Variants in AFF2 observed in about 807,000 individuals in gnomAD.
AFF2 encodes the protein ALF transcription elongation factor 2, also known as AF4/FMR2 family member 2.
AFF2 carries 14 observed loss-of-function variants against 76.9 expected under a neutral mutation model. That is an observed-to-expected ratio of 0.18 (90% CI 0.12 to 0.28). AFF2 has a LOEUF of 0.28. Ranked by LOEUF, AFF2 falls within the 10% of genes least tolerant of loss-of-function variation. AFF2 has a pLI of 1.00. For missense variants in AFF2, 868 were observed against 1,001.1 expected, an observed-to-expected ratio of 0.87 and a Z score of 1.79; for synonymous variants, 398 against 366.7, an observed-to-expected ratio of 1.09 and a Z score of -0.98.
chrX:148,926,555 C>T (rs1557283808), intron 9 of AFF2, among the ~76,000 whole-genome samples: 1 of 111,577 alleles, frequency 9.0e-6, no homozygotes, highest in Non-Finnish European at 1.9e-5. Context: ...CATTGCAGAG[C>T]AGCAATGGAA....
intron 1 of AFF2, among the ~76,000 whole-genome samples, chrX:148,560,962 A>G (rs1398850599): frequency 9.0e-6 from 1 of 111,424 alleles, no homozygotes; most frequent in Non-Finnish European, 1.9e-5. Flanking sequence ...GTCATCCATC[A>G]ATACTTTCTG....
At chrX:148,640,578 G>T (rs2054077880) in intron 1 of AFF2, among the ~76,000 whole-genome samples, 4 of 112,181 alleles carry the variant, frequency 3.6e-5, no homozygotes, top group Non-Finnish European at 7.5e-5. Context: ...ACCAGTTTTG[G>T]ATAACTGAGA....
chrX:148,654,733 C>T (rs6540395), intron 2 of AFF2, among the ~76,000 whole-genome samples: 25,336 of 107,224 alleles, frequency 0.24, 2,545 homozygotes, highest in Middle Eastern at 0.4. Context: ...ACAAAGCAGG[C>T]GAGGGGAAGG....
intron 4 of AFF2, among the ~76,000 whole-genome samples, chrX:148,811,819 A>G (rs1273346995): frequency 8.9e-6 from 1 of 112,025 alleles, no homozygotes; most frequent in Non-Finnish European, 1.9e-5. Context: ...TTAGAGAAAC[A>G]ACAGAATTTC....
At chrX:148,742,161 A>G (rs1557265730) in intron 3 of AFF2, among the ~76,000 whole-genome samples, 1 of 111,981 alleles carries the variant, frequency 8.9e-6, no homozygotes, top group East Asian at 2.8e-4. Context: ...CCTCCCACCC[A>G]CCATGATCCC....
intron 3 of AFF2, among the ~76,000 whole-genome samples, chrX:148,733,061 A>G (rs2055246229): frequency 9.0e-6 from 1 of 111,479 alleles, no homozygotes; most frequent in South Asian, 3.7e-4. Flanking sequence ...ACTGTGTTCA[A>G]CCTAAAATAA....
chrX:148,700,419 AGTGT>A (rs368077947), intron 3 of AFF2, among the ~76,000 whole-genome samples: 19,952 of 82,286 alleles, frequency 0.24, 2,064 homozygotes, highest in Middle Eastern at 0.38. Context: ...GTACTGTTGA[AGTGT>A]GTGTGTGTGT....
chrX:148,975,250 T>C (rs1342642961), intron 16 of AFF2, among the ~76,000 whole-genome samples: 1 of 111,955 alleles, frequency 8.9e-6, no homozygotes, highest in Non-Finnish European at 1.9e-5. Flanking sequence ...TTTTCTCTCC[T>C]GAAGAAAACA....
intron 3 of AFF2, among the ~76,000 whole-genome samples, chrX:148,782,420 G>C (rs782735302): frequency 9.0e-6 from 1 of 111,581 alleles, no homozygotes; most frequent in East Asian, 2.8e-4. Context: ...TCTACATTTT[G>C]GAAGTTAGGA....
At chrX:148,663,450 A>T (rs1292038607) in intron 3 of AFF2, among the ~76,000 whole-genome samples, 7 of 112,405 alleles carry the variant, frequency 6.2e-5, no homozygotes, top group Non-Finnish European at 1.1e-4. Flanking sequence ...GAATGAGTAA[A>T]TATCCTACCC....
intron 7 of AFF2, among the ~76,000 whole-genome samples, chrX:148,848,818 A>C (rs968950423): frequency 5.4e-5 from 6 of 110,445 alleles, no homozygotes; most frequent in Non-Finnish European, 1.1e-4. Flanking sequence ...AAGTATACCA[A>C]CTCTTGCTTT....
intron 3 of AFF2, among the ~76,000 whole-genome samples, chrX:148,700,899 A>G (rs1557261775): frequency 1.8e-5 from 2 of 110,718 alleles, no homozygotes; most frequent in African/African-American, 6.6e-5. Flanking sequence ...CTCAAAATTA[A>G]CTAGAATTCC....
intron 1 of AFF2, among the ~76,000 whole-genome samples, chrX:148,580,794 G>A (rs1179542814): frequency 9.3e-6 from 1 of 107,809 alleles, no homozygotes; most frequent in Non-Finnish European, 1.9e-5. Flanking sequence ...AGGTAAGTGG[G>A]TTGAAATAAA....
At chrX:148,631,344 G>A (rs1250857263) in intron 1 of AFF2, among the ~76,000 whole-genome samples, 3 of 111,939 alleles carry the variant, frequency 2.7e-5, no homozygotes, top group African/African-American at 9.7e-5. Context: ...AAAGTTTTTA[G>A]AGAGAGGAAA....
chrX:148,556,315 T>A (rs1193361018), intron 1 of AFF2, among the ~76,000 whole-genome samples: 1 of 112,363 alleles, frequency 8.9e-6, no homozygotes, highest in Admixed American at 9.4e-5. Context: ...GAAAGTATTC[T>A]ACAGAAGTAA....
At chrX:148,916,196 CTTTTTTTTTTTTT>C (rs782508166) in intron 9 of AFF2, among the ~76,000 whole-genome samples, 1 of 34,032 alleles carries the variant, frequency 2.9e-5, no homozygotes, top group African/African-American at 1.2e-4. Context: ...GTGGTTTTAA[CTTTTTTTTTTTTT>C]TTTTTTTTTT....
At chrX:148,920,324 A>G (rs995617356) in intron 9 of AFF2, among the ~76,000 whole-genome samples, 1 of 111,880 alleles carries the variant, frequency 8.9e-6, no homozygotes, top group Non-Finnish European at 1.9e-5. Context: ...ATCCTGACAT[A>G]CTATTCCAAT....
At chrX:148,622,211 G>T (rs1182172301) in intron 1 of AFF2, among the ~76,000 whole-genome samples, 2 of 111,969 alleles carry the variant, frequency 1.8e-5, no homozygotes, top group Non-Finnish European at 3.8e-5. Context: ...AGCTGTAGTA[G>T]TCAGGGTCCT....
chrX:148,914,381 T>A (rs183450906), intron 9 of AFF2, among the ~76,000 whole-genome samples: 1 of 111,807 alleles, frequency 8.9e-6, no homozygotes, highest in Non-Finnish European at 1.9e-5. Context: ...TGTGCCAGTA[T>A]ACCTAAAGCA....
Sources: allele counts gnomAD v4.1 joint callset (sites outside exome capture counted in the v4.1 genomes callset), GRCh38; gene constraint gnomAD v4.1.1; transcripts MANE v1.5; gene names NCBI Gene and HGNC (gene_info 2026-07-23, HGNC 2026-07-21).